Variants in BLTP3A observed in about 807,000 individuals in gnomAD.
The protein encoded by BLTP3A is ICBP90 binding protein 1.
the BLTP3A span, among the ~76,000 whole-genome samples, chr6:34,849,312 T>G: frequency 6.6e-6 from 1 of 152,040 alleles, no homozygotes; most frequent in Non-Finnish European, 1.5e-5. Flanking sequence ...CGTGAGCCAC[T>G]GTGCCCAGCC....
the BLTP3A span, among the ~76,000 whole-genome samples, chr6:34,861,419 C>G: frequency 6.6e-6 from 1 of 152,140 alleles, no homozygotes; most frequent in African/African-American, 2.4e-5. Context: ...AGCCACTGTG[C>G]CTGGCCTATA....
At chr6:34,834,645 C>G in the BLTP3A span, 1 of 1,557,328 alleles carries the variant, frequency 6.4e-7, no homozygotes, top group Non-Finnish European at 8.7e-7. Flanking sequence ...CCTTGCCAGT[C>G]TTTTTTCCTT....
the BLTP3A span, chr6:34,821,425 G>GCGCC: frequency 1.0e-5 from 5 of 490,460 alleles, no homozygotes; most frequent in Admixed American, 3.5e-5. Context: ...GAGATGGTGT[G>GCGCC]GTCTGAGTGC....
the BLTP3A span, among the ~76,000 whole-genome samples, chr6:34,838,907 G>T: frequency 1.3e-5 from 2 of 152,174 alleles, no homozygotes; most frequent in Non-Finnish European, 2.9e-5. Flanking sequence ...CTCCAGCATG[G>T]GTGACAGAGC....
chr6:34,805,360 A>T, the BLTP3A span, among the ~76,000 whole-genome samples: 1 of 152,108 alleles, frequency 6.6e-6, no homozygotes, highest in African/African-American at 2.4e-5. Context: ...TGGGAGGCTG[A>T]GGCAAGCAGA....
At chr6:34,821,599 C>T in the BLTP3A span, 1 of 1,506,074 alleles carries the variant, frequency 6.6e-7, no homozygotes, top group Non-Finnish European at 9.0e-7. Flanking sequence ...GGCTGTAATA[C>T]CCAATTAGCA....
At chr6:34,849,348 G>A in the BLTP3A span, among the ~76,000 whole-genome samples, 3 of 151,792 alleles carry the variant, frequency 2.0e-5, no homozygotes, top group Admixed American at 6.6e-5. Context: ...TTGAAATTAC[G>A]ATGAGGCTTA....
the BLTP3A span, chr6:34,872,295 C>T: frequency 6.3e-7 from 1 of 1,597,626 alleles, no homozygotes; most frequent in Non-Finnish European, 8.5e-7. Context: ...TAACTGTTAA[C>T]TACTTATTGT....
the BLTP3A span, among the ~76,000 whole-genome samples, chr6:34,815,078 C>T: frequency 6.6e-6 from 1 of 152,204 alleles, no homozygotes; most frequent in African/African-American, 2.4e-5. Context: ...GATAATAATG[C>T]ATACCTCATG....
the BLTP3A span, among the ~76,000 whole-genome samples, chr6:34,819,666 G>A: frequency 1.3e-5 from 2 of 152,214 alleles, no homozygotes; most frequent in Admixed American, 6.5e-5. Context: ...GAGAATAAAA[G>A]AGTGTAATGT....
At chr6:34,866,650 A>AT in the BLTP3A span, among the ~76,000 whole-genome samples, 1 of 152,164 alleles carries the variant, frequency 6.6e-6, no homozygotes, top group African/African-American at 2.4e-5. Flanking sequence ...GTACATTCTG[A>AT]TTGTTGTACA....
chr6:34,849,916 G>A, the BLTP3A span, among the ~76,000 whole-genome samples: 1 of 152,190 alleles, frequency 6.6e-6, no homozygotes, highest in East Asian at 1.9e-4. Flanking sequence ...TGAGGCAGGC[G>A]GATCACCTGA....
the BLTP3A span, among the ~76,000 whole-genome samples, chr6:34,810,402 C>G: frequency 1.3e-5 from 2 of 152,226 alleles, no homozygotes; most frequent in African/African-American, 4.8e-5. Flanking sequence ...CCTCATAACA[C>G]GTGAGCTTAC....
At chr6:34,854,557 A>G in the BLTP3A span, among the ~76,000 whole-genome samples, 2 of 152,190 alleles carry the variant, frequency 1.3e-5, no homozygotes, top group African/African-American at 4.8e-5. Flanking sequence ...ATGTTAACAT[A>G]TATATTTGTG....
chr6:34,801,326 T>C, the BLTP3A span, among the ~76,000 whole-genome samples: 1 of 152,226 alleles, frequency 6.6e-6, no homozygotes. Context: ...GTTCCCTATG[T>C]TAGCCTGCAA....
the BLTP3A span, chr6:34,857,200 A>T: frequency 3.4e-6 from 4 of 1,184,414 alleles, no homozygotes; most frequent in Non-Finnish European, 4.7e-6. Context: ...CCTGGAATAT[A>T]TGTGAAAGAC....
At chr6:34,844,141 C>T in the BLTP3A span, among the ~76,000 whole-genome samples, 157 of 151,950 alleles carry the variant, frequency 1.0e-3, 2 homozygotes, top group Middle Eastern at 6.9e-3. Flanking sequence ...CCACCACGCC[C>T]GGCTAATTTT....
the BLTP3A span, chr6:34,822,096 A>C: frequency 9.8e-7 from 1 of 1,024,446 alleles, no homozygotes; most frequent in Non-Finnish European, 1.5e-6. Context: ...TCTCTGAGAC[A>C]GTGTGACTGT....
chr6:34,862,987 C>A, the BLTP3A span, among the ~76,000 whole-genome samples: 1 of 151,748 alleles, frequency 6.6e-6, no homozygotes, highest in South Asian at 2.1e-4. Flanking sequence ...CGGCTCACTG[C>A]TGCCTCGACC....
Sources: gnomAD v4.1 joint callset for allele counts (sites outside exome capture counted in the v4.1 genomes callset) on GRCh38, gnomAD v4.1.1 for gene constraint, MANE v1.5 for transcripts, NCBI Gene and HGNC (gene_info 2026-07-23, HGNC 2026-07-21) for gene names.